The following SERTM1 variants were observed in gnomAD, a reference collection of about 807,000 sequenced individuals.
SERTM1 encodes the protein serine-rich and transmembrane domain-containing protein 1.
In SERTM1, 1 loss-of-function variant was observed where a neutral mutation model predicts 5.5. The ratio of observed to expected loss-of-function variants is 0.18; its 90% CI spans 0.06 to 0.86. The LOEUF is 0.86. Among genes scored for constraint, SERTM1 ranks in the 40% least tolerant of loss-of-function variants. The probability of loss-of-function intolerance (pLI) is 0.69; values close to 1 mark genes in which losing one functional copy is unlikely to be tolerated. For missense variants in SERTM1, 91 were observed against 122.4 expected, an observed-to-expected ratio of 0.74 and a Z score of 1.21; for synonymous variants, 52 against 55.1, an observed-to-expected ratio of 0.94 and a Z score of 0.25.
intron 1 of SERTM1, among the ~76,000 whole-genome samples, chr13:36,680,374 G>A (rs2056697160): frequency 6.6e-6 from 1 of 151,974 alleles, no homozygotes; most frequent in African/African-American, 2.4e-5. Flanking sequence ...CTCCCTGCTT[G>A]GCACATATTT....
chr13:36,681,985 G>T (rs2056708033), intron 1 of SERTM1, among the ~76,000 whole-genome samples: 1 of 152,178 alleles, frequency 6.6e-6, no homozygotes. Context: ...TATGGGCATA[G>T]TTTGCCCTGG....
rs555131165 is a variant in SERTM1, at chr13:36,696,512, T to C, written c.*1110T>C. 3.6e-4 allele frequency: 60 copies of C among 167,160 alleles called. No homozygotes were observed. The highest frequency in any genetic ancestry group is 1.3e-3 in the African/African-American group (56 of 41,556). The allele number at this position is 167,160 out of a possible 1,614,324, so 10.4% of individuals were successfully genotyped here. A position where few individuals can be genotyped will look rare whatever the true frequency, so the allele number is the denominator to read the frequency against. ...TAGGATTTCAGGATGTGAGTTTGTA[T>C]TAAAAATTGTAGGCACTCAAGTTGT... On this transcript the variant is annotated 3_prime_UTR_variant, in exon 2 of 2. Coordinates refer to ENST00000315190, the MANE Select transcript of SERTM1 (RefSeq NM_203451.3).
intron 1 of SERTM1, among the ~76,000 whole-genome samples, chr13:36,693,995 C>T (rs1017925020): frequency 6.6e-6 from 1 of 152,166 alleles, no homozygotes; most frequent in East Asian, 1.9e-4. Context: ...CAATACCCTA[C>T]ACCCACCCAT....
Position 36,697,312 on chromosome 13 carries a change from A to ATATATATATATATATATATATATATATAT in SERTM1, c.*1910_*1911insTATATATATATATATATATATATATATAT, listed in dbSNP as rs2056822145. 3 of 143,832 alleles carry ATATATATATATATATATATATATATATAT rather than the reference A, an allele frequency of 2.1e-5. No individual in the cohort carries two copies. The highest frequency in any genetic ancestry group is 8.3e-5 in the African/African-American group (3 of 36,164). The allele number at this position is 143,832 out of a possible 1,614,324, so 8.9% of individuals were successfully genotyped here. The stretch of plus-strand genomic sequence containing the variant: ...ATACGCACACACACACACACACATA[A>ATATATATATATATATATATATATATATAT]ATATATATATATATATATATATATA... On this transcript the variant is annotated 3_prime_UTR_variant, in exon 2 of 2. Transcript: ENST00000315190.
chr13:36,675,245 G>T (rs2056662471), intron 1 of SERTM1, among the ~76,000 whole-genome samples: 2 of 152,126 alleles, frequency 1.3e-5, no homozygotes, highest in South Asian at 2.1e-4. Flanking sequence ...TAAATGATGG[G>T]CTCCGATGTC....
At chr13:36,681,687 T>A (rs988613617) in intron 1 of SERTM1, among the ~76,000 whole-genome samples, 1 of 152,226 alleles carries the variant, frequency 6.6e-6, no homozygotes, top group African/African-American at 2.4e-5. Context: ...GATTTGTGAT[T>A]TTCAAAGGAT....
At position 36,694,907 on chromosome 13, in the gene SERTM1, C is replaced by G. The variant is rs548437866; in HGVS notation, c.-172C>G. 1.8e-6 allele frequency: 1 copy of G among 550,834 alleles called. No individual in the cohort carries two copies. Among genetic ancestry groups the G allele is most frequent in the South Asian group, 2.7e-5 (1 of 37,452 alleles). 34.1% of individuals were successfully genotyped at this position (550,834 alleles called of 1,614,324 possible). A position where few individuals can be genotyped will look rare whatever the true frequency, so the allele number is the denominator to read the frequency against. On this transcript the variant is annotated splice_region_variant and 5_prime_UTR_variant, in exon 2 of 2. Coordinates refer to ENST00000315190, the MANE Select transcript of SERTM1 (RefSeq NM_203451.3). Reference sequence around the variant, plus strand: ...CACTGACTTGCTTTTTTTTTTCAGTCTCAATGCACATCTGATACCTGCTGC... The same window carrying G: ...CACTGACTTGCTTTTTTTTTTCAGTGTCAATGCACATCTGATACCTGCTGC...
At chr13:36,692,233 GC>G in intron 1 of SERTM1, among the ~76,000 whole-genome samples, 1 of 152,302 alleles carries the variant, frequency 6.6e-6, no homozygotes, top group South Asian at 2.1e-4. Flanking sequence ...AACCTTCTGA[GC>G]CTCATTTCCT....
chr13:36,687,205 A>T (rs948274071), intron 1 of SERTM1, among the ~76,000 whole-genome samples: 3 of 152,344 alleles, frequency 2.0e-5, no homozygotes, highest in African/African-American at 4.8e-5. Context: ...AATGTGAATT[A>T]AAAATGTCAT....
intron 1 of SERTM1, among the ~76,000 whole-genome samples, chr13:36,676,191 G>A (rs947006747): frequency 1.3e-5 from 2 of 151,740 alleles, no homozygotes; most frequent in African/African-American, 4.8e-5. Flanking sequence ...TTTAGTGAGG[G>A]CAGATGAAGA....
Position 36,695,273 on chromosome 13 carries a change from G to A in SERTM1, c.195G>A (p.Arg65=), listed in dbSNP as rs1441308719. 1.9e-6 allele frequency: 3 copies of A among 1,613,930 alleles called. No homozygotes were observed. The African/African-American group carries it at 4.0e-5, about 22-fold the overall frequency. ...TGCTTTTAATCATTGCCCTCCAGAG[G>A]CTCAAAAATATCATCTCCTCCAGTT... is the stretch of plus-strand genomic sequence containing the variant. The part of the protein sequence containing the change: ...LLLLLIIALQ[R]LKNIISSSSS... Residue 65 remains arginine (R), a synonymous_variant, in exon 2 of 2, where the codon AGG becomes AGA. Coordinates refer to ENST00000315190, the MANE Select transcript of SERTM1 (RefSeq NM_203451.3).
Position 36,695,438 on chromosome 13 carries a change from T to G in SERTM1, c.*36T>G. On this transcript the variant is annotated 3_prime_UTR_variant, in exon 2 of 2. Coordinates refer to ENST00000315190, the MANE Select transcript of SERTM1 (RefSeq NM_203451.3). ...AGAGTCCTTGAGTGTGGCAGCAGTT[T>G]TGACATCCCCTTACGGAAGTGTCCC... 1 of 1,515,824 alleles carries G rather than the reference T, an allele frequency of 6.6e-7. No individual in the cohort carries two copies. Among genetic ancestry groups the G allele is most frequent in the Non-Finnish European group, 9.1e-7 (1 of 1,099,240 alleles). 93.9% of individuals were successfully genotyped at this position (1,515,824 alleles called of 1,614,324 possible).
At chr13:36,674,305 TC>T (rs5802832) in intron 1 of SERTM1, 121 bp downstream of exon 1, 73,500 of 151,564 alleles carry the variant, frequency 0.48, 18,098 homozygotes, top group Middle Eastern at 0.59. Context: ...TCCCAGACTC[TC>T]CCCCGAGATC....
chr13:36,685,499 T>C (rs186096237), intron 1 of SERTM1, among the ~76,000 whole-genome samples: 16 of 152,354 alleles, frequency 1.1e-4, no homozygotes, highest in African/African-American at 3.6e-4. Flanking sequence ...CCTACCTGTA[T>C]CCTCAGTCAT....
chr13:36,679,230 A>G (rs1355715041), intron 1 of SERTM1, among the ~76,000 whole-genome samples: 1 of 152,214 alleles, frequency 6.6e-6, no homozygotes, highest in Non-Finnish European at 1.5e-5. Context: ...AAACTTTTTG[A>G]GCATTGGCAT....
In SERTM1 at chr13:36,697,395, C is replaced by A. The variant is rs1432615666; in HGVS notation, c.*1993C>A. On this transcript the variant is annotated 3_prime_UTR_variant, in exon 2 of 2. Transcript: ENST00000315190. Reference sequence around the variant, plus strand: ...AAGCTACACAGGATTACAGAGGCATCTATATTATCACTTTTGCTCTTTGAC... The same window carrying A: ...AAGCTACACAGGATTACAGAGGCATATATATTATCACTTTTGCTCTTTGAC... 1 of 164,900 alleles carries A rather than the reference C, an allele frequency of 6.1e-6. No homozygotes were observed. Among genetic ancestry groups the A allele is most frequent in the East Asian group, 1.9e-4 (1 of 5,144 alleles). The allele number at this position is 164,900 out of a possible 1,614,324, so 10.2% of individuals were successfully genotyped here. A position where few individuals can be genotyped will look rare whatever the true frequency, so the allele number is the denominator to read the frequency against.
At chr13:36,685,180 TTTTC>T (rs1283959702) in intron 1 of SERTM1, among the ~76,000 whole-genome samples, 1 of 152,214 alleles carries the variant, frequency 6.6e-6, no homozygotes, top group Non-Finnish European at 1.5e-5. Context: ...CATGTAGACA[TTTTC>T]TTTATTAACC....
In SERTM1 at chr13:36,696,511, A is replaced by G. The variant is rs751594367; in HGVS notation, c.*1109A>G. On this transcript the variant is annotated 3_prime_UTR_variant, in exon 2 of 2. Transcript: ENST00000315190. ...TTAGGATTTCAGGATGTGAGTTTGT[A>G]TTAAAAATTGTAGGCACTCAAGTTG... The G allele has an allele frequency of 6.0e-6, 1 of 167,022 alleles. No homozygotes were observed. Among genetic ancestry groups the G allele is most frequent in the Non-Finnish European group, 1.5e-5 (1 of 68,104 alleles). 10.3% of individuals were successfully genotyped at this position (167,022 alleles called of 1,614,324 possible). A position where few individuals can be genotyped will look rare whatever the true frequency, so the allele number is the denominator to read the frequency against.
At position 36,695,110 on chromosome 13, in the gene SERTM1, C is replaced by T. The variant is rs775128875; in HGVS notation, c.32C>T (p.Ser11Leu). 17 of 1,613,746 alleles carry T rather than the reference C, an allele frequency of 1.1e-5. No homozygotes were observed. Among genetic ancestry groups the T allele is most frequent in the Admixed American group, 1.7e-5 (1 of 59,972 alleles). Residue 11 changes from serine (S) to leucine (L), a missense_variant, in exon 2 of 2, where the codon TCG becomes TTG. Physicochemically the swap from Ser to Leu is moderately radical, Grantham distance 145. Coordinates refer to ENST00000315190, the MANE Select transcript of SERTM1 (RefSeq NM_203451.3). ...GAACCTGACACTTCCTCAGGATTTT[C>T]GGGAAGTGTGGAGAATGGAACTTTT... MSEPDTSSGFSGSVENGTFLE... is the reference protein window; with the variant it reads MSEPDTSSGFLGSVENGTFLE...
Sources: gnomAD v4.1 joint callset for allele counts (sites outside exome capture counted in the v4.1 genomes callset) on GRCh38, gnomAD v4.1.1 for gene constraint, MANE v1.5 for transcripts, NCBI Gene and HGNC (gene_info 2026-07-23, HGNC 2026-07-21) for gene names.